Variants in CYP4V2 observed in about 807,000 individuals in gnomAD.
The protein encoded by CYP4V2 is cytochrome P450 4V2.
Under a neutral mutation model 60.8 loss-of-function variants are expected in CYP4V2, and 55 were observed. That is an observed-to-expected ratio of 0.90 (90% CI 0.73 to 1.13). The LOEUF is 1.13. CYP4V2 is among the 50% of genes most tolerant of loss of function. The probability of loss-of-function intolerance (pLI) is 0.00; values close to 1 mark genes in which losing one functional copy is unlikely to be tolerated. For missense variants in CYP4V2, 675 were observed against 662.9 expected, an observed-to-expected ratio of 1.02 and a Z score of -0.20; for synonymous variants, 239 against 236.8, an observed-to-expected ratio of 1.01 and a Z score of -0.08.
chr4:186,196,005 A>AG lies in CYP4V2; in HGVS notation c.330_331insG (p.Ile111AspfsTer4). ...AAGTATGTTTTTCTCTTCCTAAGGT[A>AG]ATTTTAACTAGTTCAAAGCAAATTG... On this transcript the variant is annotated frameshift_variant, in exon 3 of 11. Transcript: ENST00000378802. LOFTEE classifies it high-confidence loss of function. 1 of 1,609,746 alleles carries AG rather than the reference A, an allele frequency of 6.2e-7. No individual in the cohort carries two copies. Among genetic ancestry groups the AG allele is most frequent in the South Asian group, 1.1e-5 (1 of 90,950 alleles).
chr4:186,197,740 G>A (rs1736196293), intron 5 of CYP4V2, 138 bp downstream of exon 5: 1 of 867,716 alleles, frequency 1.2e-6, no homozygotes. Context: ...CATCATGTAA[G>A]CATGTGTTTA....
At position 186,208,913 on chromosome 4, in the gene CYP4V2, A is replaced by G. The variant is rs772353907; in HGVS notation, c.1139A>G (p.Tyr380Cys). 3.7e-6 allele frequency: 6 copies of G among 1,614,202 alleles called. No homozygotes were observed. The highest frequency in any genetic ancestry group is 4.2e-6 in the Non-Finnish European group (5 of 1,180,020). Residue 380 changes from tyrosine (Y) to cysteine (C), a missense_variant, in exon 9 of 11, where the codon TAT (tyrosine) becomes TGT (cysteine). Physicochemically the swap from Tyr to Cys is radical, Grantham distance 194. Transcript: ENST00000378802. ...ATVEDLKKLR[Y>C]LECVIKETLR... ...GTAGAAGACCTGAAGAAACTTCGGT[A>G]TCTGGAATGTGTTATTAAGGAGACC...
chr4:186,202,574 T>TACTAC (rs1336310905), intron 7 of CYP4V2: 1 of 152,142 alleles, frequency 6.6e-6, no homozygotes, highest in Non-Finnish European at 1.5e-5. Context: ...CTTGCCCATG[T>TACTAC]ACTACACACA....
Position 186,213,442 on chromosome 4 carries a change from AT to A in CYP4V2, c.*2802del, listed in dbSNP as rs1175825720. 2 of 152,266 alleles carry A rather than the reference AT, an allele frequency of 1.3e-5. No homozygotes were observed. Among genetic ancestry groups the A allele is most frequent in the African/African-American group, 4.8e-5 (2 of 41,480 alleles). The allele number at this position is 152,266 out of a possible 1,614,324, so 9.4% of individuals were successfully genotyped here. ...TGGCTGATTCATAATGGGTAATAAA[AT>A]AAATAGCACTTTCGAGCTGATGTCG... On this transcript the variant is annotated 3_prime_UTR_variant, in exon 11 of 11. Coordinates refer to ENST00000378802, the MANE Select transcript of CYP4V2 (RefSeq NM_207352.4).
rs1183911113 is a variant in CYP4V2, at chr4:186,197,579, C to T, written c.651C>T (p.Ser217=). The part of the protein sequence containing the change: ...KNIGAQSNDD[S]EYVRAVYRMS... Reference sequence around the variant, plus strand: ...TTGGTGCTCAAAGTAATGATGATTCCGAGTATGTCCGTGCAGTTTATAGGT... The same window carrying T: ...TTGGTGCTCAAAGTAATGATGATTCTGAGTATGTCCGTGCAGTTTATAGGT... The change falls in exon 5 of 11, where the codon TCC becomes TCT. Residue 217 remains serine (S), a synonymous_variant. Transcript: ENST00000378802. The T allele has an allele frequency of 8.7e-6, 14 of 1,613,932 alleles. No individual in the cohort carries two copies. In the East Asian group the frequency reaches 2.2e-4, roughly 26 times the overall value.
intron 10 of CYP4V2, among the ~76,000 whole-genome samples, chr4:186,209,785 G>C (rs72646295): frequency 1.3e-5 from 2 of 152,114 alleles, no homozygotes; most frequent in Admixed American, 6.6e-5. Context: ...GTATGGGGGG[G>C]GCTTAGAATT....
rs565107614 is a variant in CYP4V2, at chr4:186,202,879, CACAT to C, written c.987+1538_987+1541del. The C allele has an allele frequency of 4.0e-5, 6 of 149,112 alleles. No individual in the cohort carries two copies. The East Asian group carries it at 1.2e-3, about 30-fold the overall frequency. 9.2% of individuals were successfully genotyped at this position (149,112 alleles called of 1,614,324 possible). A position where few individuals can be genotyped will look rare whatever the true frequency, so the allele number is the denominator to read the frequency against. On this transcript the variant is annotated intron_variant, in intron 7 of 10. Coordinates refer to ENST00000378802, the MANE Select transcript of CYP4V2 (RefSeq NM_207352.4). ...ACATGCACACATATACCCACATGCA[CACAT>C]GCATGCATACACATGCATGCACACA...
At chr4:186,203,874 C>T (rs1264119230) in intron 7 of CYP4V2, 1 of 152,174 alleles carries the variant, frequency 6.6e-6, no homozygotes, top group African/African-American at 2.4e-5. Context: ...AAAACAAGTA[C>T]TTTGAAGATT....
In CYP4V2 at chr4:186,208,892, A is replaced by G; in HGVS notation, c.1118A>G (p.Glu373Gly). The G allele has an allele frequency of 6.2e-7, 1 of 1,614,192 alleles. No individual in the cohort carries two copies. Among genetic ancestry groups the G allele is most frequent in the Non-Finnish European group, 8.5e-7 (1 of 1,180,050 alleles). ...FGKSDRPATV[E>G]DLKKLRYLEC... ...AAGTCTGACCGTCCCGCTACAGTAG[A>G]AGACCTGAAGAAACTTCGGTATCTG... The change falls in exon 9 of 11, where the codon GAA (glutamate) becomes GGA (glycine). Residue 373 changes from glutamate (E) to glycine (G), a missense_variant. Transcript: ENST00000378802.
Position 186,210,602 on chromosome 4 carries a change from C to T in CYP4V2, c.1539C>T (p.Ile513=). The change falls in exon 11 of 11, where the codon ATC becomes ATT. Residue 513 remains isoleucine (I), a synonymous_variant. Coordinates refer to ENST00000378802, the MANE Select transcript of CYP4V2 (RefSeq NM_207352.4). ...TGATTCTTCGTCCAAGTAATGGCAT[C>T]TGGATCAAGTTGAAGAGGAGAAATG... ...GQLILRPSNG[I]WIKLKRRNAD... is the part of the protein sequence containing the mutation. The T allele has an allele frequency of 1.9e-6, 3 of 1,614,118 alleles. No individual in the cohort carries two copies. Among genetic ancestry groups the T allele is most frequent in the Non-Finnish European group, 2.5e-6 (3 of 1,180,024 alleles).
At position 186,196,037 on chromosome 4, in the gene CYP4V2, C is replaced by A. The variant is rs774007286; in HGVS notation, c.362C>A (p.Ser121Tyr). ...ILTSSKQIDK[S>Y]SMYKFLEPWL... ...ACTAGTTCAAAGCAAATTGACAAAT[C>A]CTCTATGTACAAGTTTTTAGAACCA... Residue 121 changes from serine (S) to tyrosine (Y), a missense_variant, in exon 3 of 11, where the codon TCC becomes TAC. Transcript: ENST00000378802. 3 of 1,614,044 alleles carry A rather than the reference C, an allele frequency of 1.9e-6. No homozygotes were observed. The highest frequency in any genetic ancestry group is 4.5e-5 in the East Asian group (2 of 44,878).
Position 186,195,687 on chromosome 4 carries a change from C to T in CYP4V2, c.328-316C>T, listed in dbSNP as rs538243678. Among the ~76,000 whole-genome samples, 15 of 152,170 alleles carry T rather than the reference C, an allele frequency of 9.9e-5. No homozygotes were observed. Among genetic ancestry groups the T allele is most frequent in the Admixed American group, 5.9e-4 (9 of 15,278 alleles). The stretch of plus-strand genomic sequence containing the variant: ...CCCACATGTGCCCACCCTCCAGATT[C>T]GCCTCCTCCCACCTCACTGTCCCCC... On this transcript the variant is annotated intron_variant, in intron 2 of 10. Coordinates refer to ENST00000378802, the MANE Select transcript of CYP4V2 (RefSeq NM_207352.4). The surrounding 1 kb of genome is among the most constrained non-coding windows in gnomAD (Gnocchi z 4.1).
chr4:186,193,933 C>T (rs1056370498), intron 1 of CYP4V2, among the ~76,000 whole-genome samples: 3 of 152,216 alleles, frequency 2.0e-5, no homozygotes, highest in Non-Finnish European at 4.4e-5. Context: ...CTGCCTTCCC[C>T]AGCTACTCCC....
At chr4:186,209,660 G>T (rs1736646178) in intron 10 of CYP4V2, among the ~76,000 whole-genome samples, 2 of 152,096 alleles carry the variant, frequency 1.3e-5, no homozygotes, top group African/African-American at 4.8e-5. Flanking sequence ...CTCTGTGTGG[G>T]TCTGTGTCCT....
rs1183911113 is a variant in CYP4V2, at chr4:186,197,579, C to A, written c.651C>A (p.Ser217=). ...TTGGTGCTCAAAGTAATGATGATTC[C>A]GAGTATGTCCGTGCAGTTTATAGGT... ...KNIGAQSNDD[S]EYVRAVYRMS... The change falls in exon 5 of 11, where the codon TCC becomes TCA. Residue 217 remains serine, a synonymous_variant. Transcript: ENST00000378802. The A allele has an allele frequency of 6.2e-7, 1 of 1,613,932 alleles. No homozygotes were observed. Among genetic ancestry groups the A allele is most frequent in the Non-Finnish European group, 8.5e-7 (1 of 1,180,008 alleles).
chr4:186,204,000 G>A (rs1343924654), intron 7 of CYP4V2: 1 of 151,714 alleles, frequency 6.6e-6, no homozygotes, highest in Admixed American at 6.6e-5. Flanking sequence ...CAAAGTTTCA[G>A]AGAGGTAGAT....
At position 186,212,839 on chromosome 4, in the gene CYP4V2, A is replaced by G. The variant is rs1736771952; in HGVS notation, c.*2198A>G. 1 of 152,236 alleles carries G rather than the reference A, an allele frequency of 6.6e-6. No homozygotes were observed. Among genetic ancestry groups the G allele is most frequent in the South Asian group, 2.1e-4 (1 of 4,826 alleles). The allele number at this position is 152,236 out of a possible 1,614,324, so 9.4% of individuals were successfully genotyped here. On this transcript the variant is annotated 3_prime_UTR_variant, in exon 11 of 11. Coordinates refer to ENST00000378802, the MANE Select transcript of CYP4V2 (RefSeq NM_207352.4). ...AAATTGCACCCATTTAACTATCCCA[A>G]AGAGCCACAGTGCCTACAACCCAGG...
intron 4 of CYP4V2, 120 bp downstream of exon 4, chr4:186,197,250 G>A (rs1323806565): frequency 1.7e-5 from 22 of 1,271,138 alleles, no homozygotes; most frequent in Non-Finnish European, 2.1e-5. Context: ...GCTCTTCAGC[G>A]CGGTTCTACG....
rs776386510 is a variant in CYP4V2 at position 186,201,154 on chromosome 4, C to T, written c.802-3C>T. On this transcript the variant is annotated splice_polypyrimidine_tract_variant and splice_region_variant and intron_variant, in intron 6 of 10. Coordinates refer to ENST00000378802, the MANE Select transcript of CYP4V2 (RefSeq NM_207352.4). ...GCATGTGATTATCATTCAAATCATA[C>T]AGGTCATCGCTGAACGGGCCAATGA... The T allele has an allele frequency of 9.3e-6, 15 of 1,613,774 alleles. No homozygotes were observed. Among genetic ancestry groups the T allele is most frequent in the East Asian group, 6.7e-5 (3 of 44,586 alleles).
Sources: gnomAD v4.1 joint callset for allele counts (sites outside exome capture counted in the v4.1 genomes callset) on GRCh38, gnomAD v4.1.1 for gene constraint, Gnocchi (gnomAD v3.1) non-coding constraint, MANE v1.5 for transcripts, NCBI Gene and HGNC (gene_info 2026-07-23, HGNC 2026-07-21) for gene names.